CLEC4D: variants seen among roughly 807,000 people sequenced by gnomAD.
CLEC4D encodes the protein C-type (calcium dependent, carbohydrate-recognition domain) lectin, superfamily member 8.
Under a neutral mutation model 21.1 loss-of-function variants are expected in CLEC4D, and 21 were observed. The observed-to-expected ratio is 1.00, with a 90% CI of 0.71 to 1.43. CLEC4D has a LOEUF of 1.43. Among genes scored for constraint, CLEC4D ranks in the 40% most tolerant of loss-of-function variants. The pLI is 0.00. For synonymous variants in CLEC4D, 85 were observed against 83.1 expected, an observed-to-expected ratio of 1.02 and a Z score of -0.12; for missense variants, 289 against 260.7, an observed-to-expected ratio of 1.11 and a Z score of -0.75.
Position 8,515,289 on chromosome 12 carries a change from A to G in CLEC4D, c.82A>G (p.Ile28Val), listed in dbSNP as rs1940364369. 6.5e-7 allele frequency: 1 copy of G among 1,528,606 alleles called. No individual in the cohort carries two copies. Among genetic ancestry groups the G allele is most frequent in the Non-Finnish European group, 9.1e-7 (1 of 1,102,784 alleles). The allele number at this position is 1,528,606 out of a possible 1,614,324, so 94.7% of individuals were successfully genotyped here. Residue 28 changes from isoleucine to valine, a missense_variant, in exon 2 of 6, where the codon ATC becomes GTC. Physicochemically the swap from Ile to Val is conservative, Grantham distance 29. Transcript: ENST00000299665. ...LIPSVIAVVF[I>V]LLLSVCFIAS... ...ACCTTCGGTTATTGCTGTAGTTTTC[A>G]TCTTACTTCTCAGTGTCTGTTTTAT...
chr12:8,524,898 A>T (rs1940495350), downstream of CLEC4D, among the ~76,000 whole-genome samples: 1 of 152,162 alleles, frequency 6.6e-6, no homozygotes, highest in East Asian at 1.9e-4. Context: ...GGTACATTGT[A>T]TCTTTGTTCT....
At chr12:8,514,784 T>C (rs1940354667) in intron 1 of CLEC4D, among the ~76,000 whole-genome samples, 1 of 152,270 alleles carries the variant, frequency 6.6e-6, no homozygotes, top group South Asian at 2.1e-4. Context: ...AGTGGCTATT[T>C]ATAACTTCAG....
chr12:8,528,331 AC>A, the CLEC4D span, among the ~76,000 whole-genome samples: 29 of 152,144 alleles, frequency 1.9e-4, no homozygotes, highest in Non-Finnish European at 2.9e-4. Context: ...TCCCTGTACC[AC>A]CTTGAGGCTC....
chr12:8,515,300 C>G lies in CLEC4D; in HGVS notation c.93C>G (p.Leu31=), dbSNP rs755396880. The change falls in exon 2 of 6, where the codon CTC becomes CTG. Residue 31 remains leucine, a synonymous_variant. Transcript: ENST00000299665. ...SVIAVVFILL[L]SVCFIASCLV... is the part of the protein sequence containing the mutation. ...TTGCTGTAGTTTTCATCTTACTTCT[C>G]AGTGTCTGTTTTATTGCAAGTTGTT... is the stretch of plus-strand genomic sequence containing the variant. The G allele has an allele frequency of 1.3e-6, 2 of 1,494,954 alleles. No individual in the cohort carries two copies. The highest frequency in any genetic ancestry group is 1.7e-5 in the Admixed American group (1 of 59,846). 92.6% of individuals were successfully genotyped at this position (1,494,954 alleles called of 1,614,324 possible).
rs375761094 is a variant in CLEC4D at position 8,521,423 on chromosome 12, C to A, written c.*152C>A. 7.2e-7 allele frequency: 1 copy of A among 1,396,582 alleles called. No homozygotes were observed. The highest frequency in any genetic ancestry group is 1.5e-5 in the African/African-American group (1 of 68,826). 86.5% of individuals were successfully genotyped at this position (1,396,582 alleles called of 1,614,324 possible). A position where few individuals can be genotyped will look rare whatever the true frequency, so the allele number is the denominator to read the frequency against. ...TCTTTTTTATTTTGTTTGATTCATT[C>A]GAGACAACATGTGTGTATGTGTGTG... is the stretch of plus-strand genomic sequence containing the variant. On this transcript the variant is annotated 3_prime_UTR_variant, in exon 6 of 6. Coordinates refer to ENST00000299665, the MANE Select transcript of CLEC4D (RefSeq NM_080387.5).
At position 8,520,487 on chromosome 12, in the gene CLEC4D, C is replaced by G. The variant is rs1310145129; in HGVS notation, c.500+146C>G. ...TGAGTAATCTCCATATGCTATGTCC[C>G]AGTTCCAGAATGGTCCTATAATTTG... On this transcript the variant is annotated intron_variant, in intron 5 of 5. Coordinates refer to ENST00000299665, the MANE Select transcript of CLEC4D (RefSeq NM_080387.5). 51 of 1,339,044 alleles carry G rather than the reference C, an allele frequency of 3.8e-5. No individual in the cohort carries two copies. The East Asian group carries it at 1.3e-3, about 35-fold the overall frequency. 82.9% of individuals were successfully genotyped at this position (1,339,044 alleles called of 1,614,324 possible). A position where few individuals can be genotyped will look rare whatever the true frequency, so the allele number is the denominator to read the frequency against.
At position 8,521,368 on chromosome 12, in the gene CLEC4D, T is replaced by A. The variant is rs1019489711; in HGVS notation, c.*97T>A. On this transcript the variant is annotated 3_prime_UTR_variant, in exon 6 of 6. Coordinates refer to ENST00000299665, the MANE Select transcript of CLEC4D (RefSeq NM_080387.5). ...CGTCATTGGAACACAGAAAACATGCTGGTTCATACAGCGTTTTTAGTCATA... is the reference window on the plus strand; with the variant it reads ...CGTCATTGGAACACAGAAAACATGCAGGTTCATACAGCGTTTTTAGTCATA... The A allele has an allele frequency of 1.3e-6, 2 of 1,502,744 alleles. No homozygotes were observed. Among genetic ancestry groups the A allele is most frequent in the Non-Finnish European group, 1.8e-6 (2 of 1,133,150 alleles). 93.1% of individuals were successfully genotyped at this position (1,502,744 alleles called of 1,614,324 possible).
chr12:8,515,190 C>G (rs369368864), intron 1 of CLEC4D, 46 bp from the exon 2 acceptor site: 3 of 914,408 alleles, frequency 3.3e-6, no homozygotes, highest in Non-Finnish European at 3.7e-6. Flanking sequence ...GCTTTCCTAG[C>G]TTGTAGCTGA....
At position 8,520,452 on chromosome 12, in the gene CLEC4D, C is replaced by T. The variant is rs147200615; in HGVS notation, c.500+111C>T. 1.4e-3 allele frequency: 1,953 copies of T among 1,435,170 alleles called. 27 individuals carry two copies. In the African/African-American group the frequency reaches 0.025, roughly 19 times the overall value. The allele number at this position is 1,435,170 out of a possible 1,614,324, so 88.9% of individuals were successfully genotyped here. The stretch of plus-strand genomic sequence containing the variant: ...TTGATATAAAAATGTTAAGAGAGAC[C>T]ACTGTAGGTTGAGTAATCTCCATAT... On this transcript the variant is annotated intron_variant, in intron 5 of 5. Coordinates refer to ENST00000299665, the MANE Select transcript of CLEC4D (RefSeq NM_080387.5).
the CLEC4D span, among the ~76,000 whole-genome samples, chr12:8,531,337 G>A: frequency 2.0e-5 from 3 of 152,196 alleles, no homozygotes; most frequent in African/African-American, 7.2e-5. Context: ...GATTTTAGGA[G>A]TCATTATCAG....
chr12:8,521,210 A>G lies in CLEC4D; in HGVS notation c.587A>G (p.Asp196Gly). The change falls in exon 6 of 6, where the codon GAT becomes GGT. Residue 196 changes from aspartate to glycine, a missense_variant. Physicochemically the swap from Asp to Gly is moderately conservative, Grantham distance 94 (BLOSUM62 -1). Transcript: ENST00000299665. ...VYNQDKWAWN[D>G]VPCNFEASRI... ...AACCAAGATAAATGGGCCTGGAATG[A>G]TGTTCCTTGTAACTTTGAAGCAAGT... 6.2e-7 allele frequency: 1 copy of G among 1,613,714 alleles called. No homozygotes were observed. Among genetic ancestry groups the G allele is most frequent in the Non-Finnish European group, 8.5e-7 (1 of 1,179,714 alleles).
Position 8,521,223 on chromosome 12 carries a change from C to T in CLEC4D, c.600C>T (p.Asn200=). Residue 200 remains asparagine, a synonymous_variant, in exon 6 of 6, where the codon AAC becomes AAT. Coordinates refer to ENST00000299665, the MANE Select transcript of CLEC4D (RefSeq NM_080387.5). ...DKWAWNDVPC[N]FEASRICKIP... is the part of the protein sequence containing the mutation. ...GGGCCTGGAATGATGTTCCTTGTAA[C>T]TTTGAAGCAAGTAGGATTTGTAAAA... The T allele has an allele frequency of 6.2e-7, 1 of 1,613,308 alleles. No individual in the cohort carries two copies. The highest frequency in any genetic ancestry group is 8.5e-7 in the Non-Finnish European group (1 of 1,179,524).
downstream of CLEC4D, among the ~76,000 whole-genome samples, chr12:8,523,738 A>G (rs111359615): frequency 5.9e-5 from 9 of 152,250 alleles, no homozygotes; most frequent in African/African-American, 2.2e-4. Flanking sequence ...TACTATGTTG[A>G]ATAGGAGTGG....
chr12:8,529,456 A>C, the CLEC4D span, among the ~76,000 whole-genome samples: 13 of 152,194 alleles, frequency 8.5e-5, no homozygotes, highest in African/African-American at 3.1e-4. Flanking sequence ...CTCTACAAAA[A>C]ATTAAAAAAT....
At chr12:8,518,097 C>G in intron 2 of CLEC4D, 67 bp from the exon 3 acceptor site, 1 of 691,292 alleles carries the variant, frequency 1.4e-6, no homozygotes, top group East Asian at 2.7e-5. Context: ...TTAGGAAGGT[C>G]AGCCCCTATT....
Position 8,518,874 on chromosome 12 carries a change from AG to A in CLEC4D, c.233-134del, listed in dbSNP as rs528552735. 1,048 of 1,395,568 alleles carry A rather than the reference AG, an allele frequency of 7.5e-4. 3 individuals carry two copies. The highest frequency in any genetic ancestry group is 1.1e-3 in the Admixed American group (37 of 33,976). The allele number at this position is 1,395,568 out of a possible 1,614,324, so 86.4% of individuals were successfully genotyped here. A position where few individuals can be genotyped will look rare whatever the true frequency, so the allele number is the denominator to read the frequency against. ...GTAATTTTCAGGATCTTTTGGTAGG[AG>A]AACAGAATAATTTTGGTGATCTTGA... On this transcript the variant is annotated intron_variant, in intron 3 of 5. Transcript: ENST00000299665.
At chr12:8,530,870 T>A in the CLEC4D span, among the ~76,000 whole-genome samples, 1 of 152,224 alleles carries the variant, frequency 6.6e-6, no homozygotes, top group African/African-American at 2.4e-5. Flanking sequence ...ACACTTACAA[T>A]GGCAATACAA....
At chr12:8,531,195 C>A in the CLEC4D span, among the ~76,000 whole-genome samples, 1 of 152,322 alleles carries the variant, frequency 6.6e-6, no homozygotes, top group Admixed American at 6.5e-5. Flanking sequence ...TCTCCTGCTT[C>A]CCCCACAATC....
downstream of CLEC4D, among the ~76,000 whole-genome samples, chr12:8,524,667 T>G (rs12301908): frequency 0.072 from 10,930 of 152,180 alleles, 768 homozygotes; most frequent in African/African-American, 0.18. Flanking sequence ...TTCACTGATT[T>G]TTTGGAGGGT....
Sources: gnomAD v4.1 joint callset for allele counts (sites outside exome capture counted in the v4.1 genomes callset) on GRCh38, gnomAD v4.1.1 for gene constraint, MANE v1.5 for transcripts, NCBI Gene and HGNC (gene_info 2026-07-23, HGNC 2026-07-21) for gene names.